The following PLCG2 variants were observed in gnomAD, a reference collection of about 807,000 sequenced individuals.
PLCG2 encodes phospholipase C gamma 2, also known as 1-phosphatidylinositol 4,5-bisphosphate phosphodiesterase gamma-2.
Under a neutral mutation model 175.6 loss-of-function variants are expected in PLCG2, and 69 were observed. The observed-to-expected ratio is 0.39, with a 90% CI of 0.32 to 0.48. The LOEUF is 0.48. Among genes scored for constraint, PLCG2 ranks in the 20% least tolerant of loss-of-function variants. The probability of loss-of-function intolerance (pLI) is 0.91; values close to 1 mark genes in which losing one functional copy is unlikely to be tolerated. For missense variants in PLCG2, 1,798 were observed against 1,650.9 expected (o/e 1.09, Z -1.54); for synonymous variants, 827 against 624.0 (o/e 1.33, Z -4.85).
At chr16:81,936,124 C>G (rs1286624364) in intron 26 of PLCG2, 45 bp from the exon 27 acceptor site, 2 of 1,604,880 alleles carry the variant, frequency 1.2e-6, no homozygotes, top group Non-Finnish European at 8.5e-7. Context: ...AGAAAATGCA[C>G]AGATGAGACA....
chr16:81,810,852 A>G lies in PLCG2; in HGVS notation c.193+24670A>G, dbSNP rs943649005. 7.9e-5 allele frequency among the ~76,000 whole-genome samples: 12 copies of G among 152,208 alleles called. 1 individual carries two copies. Among genetic ancestry groups the G allele is most frequent in the Admixed American group, 7.9e-4 (12 of 15,280 alleles). ...TTATTGTTTAGTGGGAGAGGCAAGC[A>G]CAACATTGATCAAATAATTTTGTAC... On this transcript the variant is annotated intron_variant, in intron 2 of 32. Coordinates refer to ENST00000564138, the MANE Select transcript of PLCG2 (RefSeq NM_002661.5).
chr16:81,786,776 A>C (rs1015924291), intron 2 of PLCG2, among the ~76,000 whole-genome samples: 2 of 152,234 alleles, frequency 1.3e-5, no homozygotes, highest in Non-Finnish European at 2.9e-5. Flanking sequence ...CAAATAGAGT[A>C]AAGGCACTTA....
intron 17 of PLCG2, among the ~76,000 whole-genome samples, chr16:81,910,015 T>TG (rs1284616397): frequency 5.4e-3 from 110 of 20,204 alleles, no homozygotes; most frequent in East Asian, 0.023. Flanking sequence ...TGGGGTGGGG[T>TG]GGGGTGGGGG....
chr16:81,867,922 A>G lies in PLCG2; in HGVS notation c.480-1292A>G, dbSNP rs183360397. 1.6e-3 allele frequency among the ~76,000 whole-genome samples: 240 copies of G among 152,128 alleles called. 5 individuals are homozygous for G. The East Asian group carries it at 0.041, about 26-fold the overall frequency. On this transcript the variant is annotated intron_variant, in intron 5 of 32. Coordinates refer to ENST00000564138, the MANE Select transcript of PLCG2 (RefSeq NM_002661.5). Reference sequence around the variant, plus strand: ...CACCGTGTTAGCCAGGATGGTCTCGATCCTCTGACCTCGTGATCCGCCCGC... The same window carrying G: ...CACCGTGTTAGCCAGGATGGTCTCGGTCCTCTGACCTCGTGATCCGCCCGC...
Position 81,858,352 on chromosome 16 carries a change from G to C in PLCG2, c.427G>C (p.Glu143Gln). ...GAATGCGTCCACGCCCACCATTATC[G>C]AGAGGTAGTTGGCTTTTGCCTGTTG... ...AMNASTPTII[E>Q]SWLRKQIYSV... The change falls in exon 4 of 33, where the codon GAG becomes CAG. Residue 143 changes from glutamate to glutamine, a missense_variant. Transcript: ENST00000564138. The C allele has an allele frequency of 1.2e-6, 2 of 1,611,990 alleles. No individual in the cohort carries two copies. Among genetic ancestry groups the C allele is most frequent in the Admixed American group, 1.7e-5 (1 of 60,020 alleles).
intron 31 of PLCG2, among the ~76,000 whole-genome samples, chr16:81,955,671 G>T (rs1911538028): frequency 6.6e-6 from 1 of 152,126 alleles, no homozygotes; most frequent in Non-Finnish European, 1.5e-5. Context: ...ATAGCAACGT[G>T]GCCATGACAG....
At chr16:81,756,488 C>A (rs568262152) in intron 2 of PLCG2, among the ~76,000 whole-genome samples, 6 of 152,302 alleles carry the variant, frequency 3.9e-5, no homozygotes, top group African/African-American at 1.2e-4. Context: ...TGCCCAAGGT[C>A]ACACAGTGGA....
At chr16:81,903,929 C>T (rs8063260) in intron 14 of PLCG2, among the ~76,000 whole-genome samples, 49,529 of 152,082 alleles carry the variant, frequency 0.33, 8,314 homozygotes, top group Middle Eastern at 0.38. Context: ...GTTGGCCACA[C>T]GGTCACTTTG....
chr16:81,949,389 T>G (rs985516343), intron 31 of PLCG2, among the ~76,000 whole-genome samples: 1 of 152,200 alleles, frequency 6.6e-6, no homozygotes, highest in Admixed American at 6.5e-5. Flanking sequence ...TCCAGCACAC[T>G]AGTTGTGTAT....
intron 31 of PLCG2, among the ~76,000 whole-genome samples, chr16:81,955,236 G>C (rs746692700): frequency 1.1e-4 from 17 of 152,140 alleles, no homozygotes; most frequent in Non-Finnish European, 2.4e-4. Context: ...TGTTTTGTTA[G>C]GTCATTAAAG....
intron 31 of PLCG2, among the ~76,000 whole-genome samples, chr16:81,947,720 T>A (rs1911205017): frequency 6.6e-6 from 1 of 152,234 alleles, no homozygotes; most frequent in South Asian, 2.1e-4. Context: ...ATGTCACAAT[T>A]ACTTTATCAA....
At chr16:81,833,202 C>T (rs1035420499) in intron 2 of PLCG2, among the ~76,000 whole-genome samples, 1 of 152,174 alleles carries the variant, frequency 6.6e-6, no homozygotes, top group Non-Finnish European at 1.5e-5. Context: ...TTCAGCAACC[C>T]CAGAATGAAA....
chr16:81,744,238 G>C (rs1459277363), intron 1 of PLCG2, among the ~76,000 whole-genome samples: 1 of 150,114 alleles, frequency 6.7e-6, no homozygotes. Flanking sequence ...AGTGATTTTG[G>C]CTCACTGTCA....
chr16:81,769,372 GC>G (rs894407172), intron 2 of PLCG2, among the ~76,000 whole-genome samples: 11 of 152,210 alleles, frequency 7.2e-5, no homozygotes, highest in Non-Finnish European at 4.4e-5. Context: ...AATGATAGCG[GC>G]GGGCGGCAGT....
At chr16:81,875,655 A>G (rs1021473643) in intron 7 of PLCG2, among the ~76,000 whole-genome samples, 3 of 152,170 alleles carry the variant, frequency 2.0e-5, no homozygotes, top group Non-Finnish European at 2.9e-5. Context: ...CAATACTGTA[A>G]TTTAATACCT....
At position 81,871,167 on chromosome 16, in the gene PLCG2, G is replaced by T. The variant is rs78505092; in HGVS notation, c.648+232G>T. Among the ~76,000 whole-genome samples the T allele has an allele frequency of 3.7e-3, 558 of 152,256 alleles. 3 individuals are homozygous for T. Among genetic ancestry groups the T allele is most frequent in the African/African-American group, 0.013 (540 of 41,534 alleles). On this transcript the variant is annotated intron_variant, in intron 7 of 32. Coordinates refer to ENST00000564138, the MANE Select transcript of PLCG2 (RefSeq NM_002661.5). Reference sequence around the variant, plus strand: ...AGAAATGGTGTTCATATGCCTTCCTGGTGGAAATGCGAATGGCCATAAGTT... The same window carrying T: ...AGAAATGGTGTTCATATGCCTTCCTTGTGGAAATGCGAATGGCCATAAGTT...
intron 25 of PLCG2, 113 bp downstream of exon 25, chr16:81,931,767 C>G (rs1277901821): frequency 2.7e-5 from 23 of 847,782 alleles, no homozygotes; most frequent in Non-Finnish European, 4.1e-5. Flanking sequence ...AGGTCCTACT[C>G]AGAATTCAGG....
chr16:81,741,615 G>A (rs1174490133), intron 1 of PLCG2, among the ~76,000 whole-genome samples: 1 of 152,140 alleles, frequency 6.6e-6, no homozygotes, highest in African/African-American at 2.4e-5. Flanking sequence ...TTCAAGACCA[G>A]CCTGGCCAAC....
intron 2 of PLCG2, among the ~76,000 whole-genome samples, chr16:81,838,279 G>T (rs974404176): frequency 6.6e-6 from 1 of 152,054 alleles, no homozygotes; most frequent in Non-Finnish European, 1.5e-5. Context: ...TAGAGATGGG[G>T]TTTCACCATG....
Sources: gnomAD v4.1 joint callset for allele counts (sites outside exome capture counted in the v4.1 genomes callset) on GRCh38, gnomAD v4.1.1 for gene constraint, MANE v1.5 for transcripts, NCBI Gene and HGNC (gene_info 2026-07-23, HGNC 2026-07-21) for gene names.